The following RALYL variants were observed in gnomAD, a reference collection of about 807,000 sequenced individuals.
RALYL encodes the protein RALY RNA binding protein like.
In RALYL, 29 loss-of-function variants were observed where a neutral mutation model predicts 35.1. That is an observed-to-expected ratio of 0.83 (90% confidence interval 0.61 to 1.13). The LOEUF (loss-of-function observed/expected upper bound fraction) is 1.13. Ranked by LOEUF, RALYL falls within the 50% of genes most tolerant of loss-of-function variation. The pLI is 0.00. For missense variants in RALYL, 359 were observed against 360.4 expected (o/e 1.00, Z 0.03); for synonymous variants, 120 against 127.6 (o/e 0.94, Z 0.40).
chr8:84,603,568 C>T (rs937333449), intron 2 of RALYL, among the ~76,000 whole-genome samples: 2 of 152,064 alleles, frequency 1.3e-5, no homozygotes, highest in African/African-American at 2.4e-5. Context: ...CACCGTGAGG[C>T]TTACCTCCTG....
chr8:84,464,109 T>C (rs2133453464), intron 1 of RALYL, among the ~76,000 whole-genome samples: 1 of 150,938 alleles, frequency 6.6e-6, no homozygotes, highest in Admixed American at 6.6e-5. Context: ...GTCCAGATCA[T>C]TATTTAAAAA....
At chr8:84,486,952 G>T (rs538954661) in intron 1 of RALYL, among the ~76,000 whole-genome samples, 38 of 152,056 alleles carry the variant, frequency 2.5e-4, no homozygotes, top group Middle Eastern at 3.4e-3. Context: ...GAGACTTTAC[G>T]CCCAAGGGGG....
intron 1 of RALYL, among the ~76,000 whole-genome samples, chr8:84,417,644 T>C (rs114384593): frequency 0.029 from 4,463 of 152,028 alleles, 221 homozygotes; most frequent in African/African-American, 0.1. Context: ...GGGAAATAAC[T>C]GTCTTCAGAT....
intron 1 of RALYL, among the ~76,000 whole-genome samples, chr8:84,373,649 C>T (rs1357807621): frequency 1.3e-5 from 2 of 151,918 alleles, no homozygotes; most frequent in East Asian, 1.9e-4. Flanking sequence ...CGTCAGGTAG[C>T]GTGATGCCTC....
At chr8:84,560,239 G>A (rs1424614627) in intron 2 of RALYL, among the ~76,000 whole-genome samples, 1 of 151,898 alleles carries the variant, frequency 6.6e-6, no homozygotes, top group African/African-American at 2.4e-5. Context: ...CTTGGCTAGG[G>A]AAGGGTAATA....
At chr8:84,805,860 T>C (rs1387021072) in intron 4 of RALYL, among the ~76,000 whole-genome samples, 1 of 152,214 alleles carries the variant, frequency 6.6e-6, no homozygotes, top group Non-Finnish European at 1.5e-5. Flanking sequence ...ACTTTCAATA[T>C]TATAGATGAT....
At chr8:84,885,495 T>C (rs1472936825) in intron 7 of RALYL, among the ~76,000 whole-genome samples, 4 of 152,158 alleles carry the variant, frequency 2.6e-5, no homozygotes, top group African/African-American at 9.7e-5. Flanking sequence ...TCAGTACATC[T>C]GTATATGCAT....
intron 1 of RALYL, among the ~76,000 whole-genome samples, chr8:84,411,223 T>C (rs953613784): frequency 6.6e-5 from 10 of 151,944 alleles, no homozygotes; most frequent in African/African-American, 2.4e-4. Flanking sequence ...CTTTCTCCAC[T>C]TTCATGCCTA....
rs532733767 is a variant in RALYL, at chr8:84,274,647, G to A, written c.-24+90223G>A. 1.4e-4 allele frequency among the ~76,000 whole-genome samples: 21 copies of A among 152,216 alleles called. No individual in the cohort carries two copies. The South Asian group carries it at 3.7e-3, about 27-fold the overall frequency. ...GACACCATAAGAGACTGCTCCTTTG[G>A]TGTTGGCATTTTTGTGTAATTCAGG... On this transcript the variant is annotated intron_variant, in intron 1 of 8. Coordinates refer to ENST00000521268, the MANE Select transcript of RALYL (RefSeq NM_173848.7).
chr8:84,689,386 T>C (rs999660042), intron 2 of RALYL, among the ~76,000 whole-genome samples: 1 of 152,204 alleles, frequency 6.6e-6, no homozygotes, highest in Non-Finnish European at 1.5e-5. Flanking sequence ...ATTTCATCCA[T>C]GTCCCTACAA....
chr8:84,502,838 A>C (rs1235323886), intron 1 of RALYL, among the ~76,000 whole-genome samples: 4 of 151,934 alleles, frequency 2.6e-5, no homozygotes, highest in African/African-American at 7.2e-5. Flanking sequence ...CTGTATAGAC[A>C]TACTTAATAG....
chr8:84,789,362 A>C (rs1013790097), intron 3 of RALYL, among the ~76,000 whole-genome samples: 1 of 152,248 alleles, frequency 6.6e-6, no homozygotes, highest in African/African-American at 2.4e-5. Context: ...ATGCTATCTT[A>C]CTAAAACTAT....
chr8:84,653,799 T>A (rs1219114538), intron 2 of RALYL, among the ~76,000 whole-genome samples: 1 of 151,908 alleles, frequency 6.6e-6, no homozygotes, highest in Non-Finnish European at 1.5e-5. Context: ...ATAAGGTGTG[T>A]TAGAATGTGT....
rs181368655 is a variant in RALYL at position 84,442,151 on chromosome 8, A to G, written c.-23-87148A>G. Among the ~76,000 whole-genome samples the G allele has an allele frequency of 3.8e-4, 58 of 152,206 alleles. 2 individuals are homozygous for G. Among genetic ancestry groups the G allele is most frequent in the Admixed American group, 3.5e-3 (54 of 15,280 alleles). The stretch of plus-strand genomic sequence containing the variant: ...CATTTGGGATGTTTGTTACTCTCCT[A>G]TGTGGTTTTCCTTTTCTATCTCCTC... On this transcript the variant is annotated intron_variant, in intron 1 of 8. Transcript: ENST00000521268.
At chr8:84,486,025 T>C (rs888777095) in intron 1 of RALYL, among the ~76,000 whole-genome samples, 1 of 150,132 alleles carries the variant, frequency 6.7e-6, no homozygotes, top group Non-Finnish European at 1.5e-5. Context: ...TTTTTTTTTT[T>C]TTTTTGAGGA....
chr8:84,475,737 G>A lies in RALYL; in HGVS notation c.-23-53562G>A, dbSNP rs565945233. On this transcript the variant is annotated intron_variant, in intron 1 of 8. Transcript: ENST00000521268. ...ATCTTGTGGCTAAGAAGTTATTGAAGGTATGGTCTCCAGAATTTGTTTAAA... is the reference window on the plus strand; with the variant it reads ...ATCTTGTGGCTAAGAAGTTATTGAAAGTATGGTCTCCAGAATTTGTTTAAA... Among the ~76,000 whole-genome samples the A allele has an allele frequency of 1.5e-4, 23 of 152,278 alleles. No homozygotes were observed. In the South Asian group the frequency reaches 4.8e-3, roughly 32 times the overall value.
At chr8:84,270,070 G>A (rs1052055160) in intron 1 of RALYL, among the ~76,000 whole-genome samples, 3 of 152,018 alleles carry the variant, frequency 2.0e-5, no homozygotes, top group Non-Finnish European at 2.9e-5. Flanking sequence ...CAGAATGTTG[G>A]CATCATGTGA....
intron 2 of RALYL, among the ~76,000 whole-genome samples, chr8:84,547,976 A>G (rs1470464221): frequency 6.6e-6 from 1 of 151,942 alleles, no homozygotes; most frequent in African/African-American, 2.4e-5. Flanking sequence ...TTATCCTTGA[A>G]GGTCACTTTT....
At chr8:84,857,274 G>T (rs1837254490) in intron 5 of RALYL, among the ~76,000 whole-genome samples, 1 of 152,092 alleles carries the variant, frequency 6.6e-6, no homozygotes, top group Non-Finnish European at 1.5e-5. Context: ...CCCTGAATTT[G>T]TTATCAGGTT....
Sources: allele counts gnomAD v4.1 joint callset (sites outside exome capture counted in the v4.1 genomes callset), GRCh38; gene constraint gnomAD v4.1.1; transcripts MANE v1.5; gene names NCBI Gene and HGNC (gene_info 2026-07-23, HGNC 2026-07-21).